The following RLF variants were observed in gnomAD, a reference collection of about 807,000 sequenced individuals.
RLF encodes RLF zinc finger.
Under a neutral mutation model 162.9 loss-of-function variants are expected in RLF, and 7 were observed. The ratio of observed to expected loss-of-function variants is 0.04; its 90% CI spans 0.02 to 0.08. The LOEUF is 0.08. RLF is among the 10% of genes least tolerant of loss of function. RLF has a pLI of 1.00. For synonymous variants in RLF, 782 were observed against 791.5 expected, an observed-to-expected ratio of 0.99 and a Z score of 0.20; for missense variants, 1,664 against 2,244.7, an observed-to-expected ratio of 0.74 and a Z score of 5.23.
chr1:40,213,298 T>A (rs1642885714), intron 5 of RLF, among the ~76,000 whole-genome samples: 1 of 152,196 alleles, frequency 6.6e-6, no homozygotes, highest in African/African-American at 2.4e-5. Flanking sequence ...TTTTGGTTGG[T>A]GTATGATTGC....
rs757801098 is a variant in RLF at position 40,237,313 on chromosome 1, T to C, written c.2611T>C (p.Phe871Leu). The change falls in exon 8 of 8, where the codon TTC (phenylalanine) becomes CTC (leucine). Residue 871 changes from phenylalanine to leucine, a missense_variant. This residue lies in a region of RLF where 295 missense variants were observed against 317.4 expected (regional missense o/e 0.93). Transcript: ENST00000372771. The surrounding 1 kb of genome is among the most constrained non-coding windows in gnomAD (Gnocchi z 4.4). The part of the protein sequence containing the change: ...TDKSHLPEDL[F>L]CAESANSQID... ...TAAATCACATTTACCTGAAGATCTT[T>C]TCTGTGCAGAATCAGCTAATTCTCA... 1 of 1,614,088 alleles carries C rather than the reference T, an allele frequency of 6.2e-7. No individual in the cohort carries two copies.
At chr1:40,189,349 CT>C (rs1642526563) in intron 2 of RLF, 140 bp downstream of exon 2, 1 of 650,906 alleles carries the variant, frequency 1.5e-6, no homozygotes, top group Non-Finnish European at 2.5e-6. Flanking sequence ...TTCCTTCCTA[CT>C]CACGTTCCCA....
rs768718921 is a variant in RLF, at chr1:40,222,632, G to A, written c.869G>A (p.Gly290Glu). 9 of 1,613,466 alleles carry A rather than the reference G, an allele frequency of 5.6e-6. No individual in the cohort carries two copies. In the South Asian group the frequency reaches 6.6e-5, roughly 12 times the overall value. Residue 290 changes from glycine (G) to glutamate (E), a missense_variant, in exon 6 of 8, where the codon GGG becomes GAG. Gly to Glu is a moderately conservative substitution (Grantham distance 98, BLOSUM62 -2). Coordinates refer to ENST00000372771, the MANE Select transcript of RLF (RefSeq NM_012421.4). ...LDIICNLESE[G>E]QDNTAFVLCT... ...ATCATTTGTAATCTGGAATCTGAGG[G>A]GCAGGATAACACAGCATTTGTTCTT...
Position 40,178,462 on chromosome 1 carries a change from T to C in RLF, c.238-10593T>C, listed in dbSNP as rs553466040. On this transcript the variant is annotated intron_variant, in intron 1 of 7. Coordinates refer to ENST00000372771, the MANE Select transcript of RLF (RefSeq NM_012421.4). ...TTTCAGCTTTGTAAGATGACAGGAGTTCAGTGGGTAGACGTTCGAGTGGCA... is the reference window on the plus strand; with the variant it reads ...TTTCAGCTTTGTAAGATGACAGGAGCTCAGTGGGTAGACGTTCGAGTGGCA... Among the ~76,000 whole-genome samples the C allele has an allele frequency of 8.6e-5, 13 of 151,934 alleles. No individual in the cohort carries two copies. In the East Asian group the frequency reaches 2.3e-3, roughly 27 times the overall value.
intron 4 of RLF, among the ~76,000 whole-genome samples, chr1:40,199,955 A>G (rs1642689033): frequency 6.6e-6 from 1 of 152,218 alleles, no homozygotes; most frequent in Non-Finnish European, 1.5e-5. Flanking sequence ...AGAGAATATC[A>G]TTGCTGAAAA....
chr1:40,184,645 TA>T (rs1379246455), intron 1 of RLF, among the ~76,000 whole-genome samples: 1 of 152,146 alleles, frequency 6.6e-6, no homozygotes, highest in Non-Finnish European at 1.5e-5. Context: ...AATTTGAGGG[TA>T]ATCTGCTTGG....
At chr1:40,185,845 A>AAAAAAAAAAAAAAAAAAACC (rs1642472610) in intron 1 of RLF, among the ~76,000 whole-genome samples, 1 of 21,142 alleles carries the variant, frequency 4.7e-5, no homozygotes, top group African/African-American at 1.6e-4. Flanking sequence ...AAAAAAAGCA[A>AAAAAAAAAAAAAAAAAAACC]AAAAAAAAAA....
intron 1 of RLF, among the ~76,000 whole-genome samples, chr1:40,162,601 A>T (rs1239563116): frequency 6.6e-6 from 1 of 152,258 alleles, no homozygotes; most frequent in South Asian, 2.1e-4. Context: ...ATGCTGAATA[A>T]ATTGCGGCGT....
At chr1:40,190,061 G>A (rs990630442) in intron 2 of RLF, among the ~76,000 whole-genome samples, 1 of 151,992 alleles carries the variant, frequency 6.6e-6, no homozygotes, top group Admixed American at 6.5e-5. Flanking sequence ...TGGAAGACCA[G>A]CATTCCTGGT....
In RLF at chr1:40,240,042, T is replaced by C; in HGVS notation, c.5340T>C (p.Ser1780=). 1 of 1,614,094 alleles carries C rather than the reference T, an allele frequency of 6.2e-7. No homozygotes were observed. Among genetic ancestry groups the C allele is most frequent in the East Asian group, 2.2e-5 (1 of 44,880 alleles). Residue 1780 remains serine (S), a synonymous_variant, in exon 8 of 8, where the codon AGT becomes AGC. Coordinates refer to ENST00000372771, the MANE Select transcript of RLF (RefSeq NM_012421.4). The part of the protein sequence containing the change: ...ESSFLKFIQE[S]EEKEDDFDDW... ...CATTTCTGAAATTTATTCAGGAAAG[T>C]GAAGAGAAAGAAGATGATTTTGATG...
chr1:40,191,023 G>GT (rs1557744583), intron 3 of RLF, among the ~76,000 whole-genome samples, 170 bp downstream of exon 3: 2 of 152,088 alleles, frequency 1.3e-5, no homozygotes, highest in African/African-American at 4.8e-5. Flanking sequence ...TTAAAAATGG[G>GT]TTTTTTAAAT....
At chr1:40,227,265 C>T (rs1224305446) in intron 6 of RLF, among the ~76,000 whole-genome samples, 2 of 152,138 alleles carry the variant, frequency 1.3e-5, no homozygotes, top group Admixed American at 1.3e-4. Context: ...TGGGCTAAAT[C>T]AAGGGTACAG....
At chr1:40,219,569 C>T (rs181441774) in intron 5 of RLF, among the ~76,000 whole-genome samples, 1 of 152,256 alleles carries the variant, frequency 6.6e-6, no homozygotes, top group Admixed American at 6.5e-5. Context: ...CAAATGAGCT[C>T]TTGAATTGGA....
intron 1 of RLF, among the ~76,000 whole-genome samples, chr1:40,178,657 G>T (rs1364138454): frequency 4.1e-5 from 4 of 96,836 alleles, no homozygotes; most frequent in South Asian, 3.0e-4. Flanking sequence ...TTGGAGAGAT[G>T]GGATCTTGCT....
chr1:40,168,715 G>A lies in RLF; in HGVS notation c.237+7079G>A, dbSNP rs140859984. ...TTTATATAAATAATATGTTTTGGCC[G>A]TGCACGGTGGCTCTCCCCTGTAATA... On this transcript the variant is annotated intron_variant, in intron 1 of 7. Transcript: ENST00000372771. 9.0e-3 allele frequency among the ~76,000 whole-genome samples: 1,369 copies of A among 152,018 alleles called. 4 individuals are homozygous for A. Among genetic ancestry groups the A allele is most frequent in the Non-Finnish European group, 0.014 (986 of 68,012 alleles).
Position 40,236,481 on chromosome 1 carries a change from A to G in RLF, c.1779A>G (p.Arg593=), listed in dbSNP as rs769829699. The change falls in exon 8 of 8, where the codon AGA becomes AGG. Residue 593 remains arginine (R), a synonymous_variant. Coordinates refer to ENST00000372771, the MANE Select transcript of RLF (RefSeq NM_012421.4). This position sits in a 1 kb window ranked among gnomAD's most constrained non-coding sequence, Gnocchi z 7.7. The part of the protein sequence containing the change: ...TCPVCIKKFK[R]KEMFVPHVME... ...CAGTTTGTATTAAAAAATTTAAGAG[A>G]AAAGAAATGTTTGTTCCTCATGTGA... is the stretch of plus-strand genomic sequence containing the variant. The G allele has an allele frequency of 9.3e-6, 15 of 1,613,734 alleles. No homozygotes were observed. The South Asian group carries it at 1.5e-4, about 17-fold the overall frequency.
intron 4 of RLF, among the ~76,000 whole-genome samples, chr1:40,201,882 G>A (rs539891612): frequency 6.6e-6 from 1 of 152,082 alleles, no homozygotes; most frequent in Non-Finnish European, 1.5e-5. Flanking sequence ...TTTCTTTATT[G>A]CAGGACTGTT....
chr1:40,169,002 T>C (rs1298242512), intron 1 of RLF, among the ~76,000 whole-genome samples: 1 of 150,518 alleles, frequency 6.6e-6, no homozygotes, highest in African/African-American at 2.5e-5. Flanking sequence ...TCAAAAAAAA[T>C]AATAATATGT....
intron 4 of RLF, among the ~76,000 whole-genome samples, chr1:40,196,643 G>A (rs951871139): frequency 5.9e-5 from 9 of 152,090 alleles, no homozygotes; most frequent in African/African-American, 2.2e-4. Flanking sequence ...GGGACTACAG[G>A]CATGCGCCAC....
Sources: allele counts gnomAD v4.1 joint callset (sites outside exome capture counted in the v4.1 genomes callset), GRCh38; gene constraint gnomAD v4.1.1; regional missense constraint gnomAD v4.1.1; non-coding constraint Gnocchi (gnomAD v3.1); transcripts MANE v1.5; gene names NCBI Gene and HGNC (gene_info 2026-07-23, HGNC 2026-07-21).